The following ATF6 variants were observed in gnomAD, a reference collection of about 807,000 sequenced individuals.
ATF6 encodes the protein activating transcription factor 6, also known as cyclic AMP-dependent transcription factor ATF-6 alpha.
A neutral mutation model predicts 83.6 loss-of-function variants in ATF6; 53 were observed. The observed-to-expected ratio is 0.63, with a 90% CI of 0.51 to 0.80. The LOEUF is 0.80. Ranked by LOEUF, ATF6 falls within the 30% of genes least tolerant of loss-of-function variation. The pLI is 0.00. For synonymous variants in ATF6, 288 were observed against 285.8 expected (o/e 1.01, Z -0.08); for missense variants, 744 against 797.9 (o/e 0.93, Z 0.81).
intron 1 of ATF6, among the ~76,000 whole-genome samples, chr1:161,769,400 A>G (rs7519514): frequency 0.49 from 74,609 of 151,966 alleles, 22,412 homozygotes; most frequent in Middle Eastern, 0.66. Flanking sequence ...GCCAGTATTG[A>G]TACATTATTA....
At position 161,880,977 on chromosome 1, in the gene ATF6, A is replaced by T. The variant is rs1687313268; in HGVS notation, c.1719+17665A>T. Among the ~76,000 whole-genome samples the T allele has an allele frequency of 3.9e-5, 6 of 152,054 alleles. No individual in the cohort carries two copies. In the South Asian group the frequency reaches 1.2e-3, roughly 32 times the overall value. On this transcript the variant is annotated intron_variant, in intron 14 of 15. Coordinates refer to ENST00000367942, the MANE Select transcript of ATF6 (RefSeq NM_007348.4). ...TGTAGTGGTATCTCATTGTGGTTTT[A>T]ATTTGCATTTCCCTAATAACTATAT... is the stretch of plus-strand genomic sequence containing the variant.
chr1:161,793,016 C>T (rs1469835662), intron 6 of ATF6, among the ~76,000 whole-genome samples: 1 of 152,112 alleles, frequency 6.6e-6, no homozygotes, highest in African/African-American at 2.4e-5. Flanking sequence ...ACACTGGGTA[C>T]AAGAAAACTT....
At chr1:161,948,530 CTGTT>C (rs1325203403) in intron 15 of ATF6, among the ~76,000 whole-genome samples, 1 of 152,190 alleles carries the variant, frequency 6.6e-6, no homozygotes, top group East Asian at 1.9e-4. Context: ...AAAAATCCTA[CTGTT>C]GTCCCCACCT....
chr1:161,794,013 TC>T (rs567373980), intron 6 of ATF6, among the ~76,000 whole-genome samples: 56 of 152,284 alleles, frequency 3.7e-4, no homozygotes, highest in Non-Finnish European at 6.6e-4. Flanking sequence ...TTCAAGTGAT[TC>T]TCCTGCTTCA....
chr1:161,876,698 T>A lies in ATF6; in HGVS notation c.1719+13386T>A, dbSNP rs1309115941. ...TCATATGTCTGAAACAAGAGAAAGATGGCTTTCAATGTATGGTCATTTTTT... is the reference window on the plus strand; with the variant it reads ...TCATATGTCTGAAACAAGAGAAAGAAGGCTTTCAATGTATGGTCATTTTTT... On this transcript the variant is annotated intron_variant, in intron 14 of 15. Coordinates refer to ENST00000367942, the MANE Select transcript of ATF6 (RefSeq NM_007348.4). 2.0e-5 allele frequency among the ~76,000 whole-genome samples: 3 copies of A among 152,044 alleles called. No individual in the cohort carries two copies. In the East Asian group the frequency reaches 5.8e-4, roughly 29 times the overall value.
intron 6 of ATF6, among the ~76,000 whole-genome samples, chr1:161,801,345 T>C (rs1487926520): frequency 6.6e-6 from 1 of 151,278 alleles, no homozygotes; most frequent in East Asian, 1.9e-4. Context: ...TTTAAGTTTT[T>C]TGGTATTTGT....
At chr1:161,833,786 C>T (rs189801766) in intron 9 of ATF6, among the ~76,000 whole-genome samples, 16 of 152,194 alleles carry the variant, frequency 1.1e-4, no homozygotes, top group African/African-American at 2.4e-4. Flanking sequence ...CTAATTGGTG[C>T]GCCTGAAAGT....
chr1:161,923,112 G>A (rs758741405), intron 15 of ATF6, among the ~76,000 whole-genome samples: 1 of 152,108 alleles, frequency 6.6e-6, no homozygotes, highest in African/African-American at 2.4e-5. Context: ...TACTTCTGTA[G>A]GTCCTAGAAT....
intron 6 of ATF6, among the ~76,000 whole-genome samples, 175 bp downstream of exon 6, chr1:161,792,502 G>C (rs912196669): frequency 5.9e-5 from 9 of 152,138 alleles, no homozygotes; most frequent in African/African-American, 2.2e-4. Flanking sequence ...TCATAACAAG[G>C]GATATAGCTC....
intron 9 of ATF6, among the ~76,000 whole-genome samples, chr1:161,844,098 G>A (rs140459274): frequency 5.8e-4 from 88 of 152,286 alleles, no homozygotes; most frequent in Non-Finnish European, 1.1e-3. Flanking sequence ...AAGCCTATGC[G>A]ATATTAGACT....
At chr1:161,809,611 A>G (rs1296628140) in intron 7 of ATF6, among the ~76,000 whole-genome samples, 3 of 152,234 alleles carry the variant, frequency 2.0e-5, no homozygotes, top group African/African-American at 7.2e-5. Context: ...TCCTTGAGGA[A>G]TTGCCACACT....
chr1:161,877,635 G>C lies in ATF6; in HGVS notation c.1719+14323G>C, dbSNP rs192257138. Among the ~76,000 whole-genome samples the C allele has an allele frequency of 4.6e-4, 70 of 152,210 alleles. 1 individual carries two copies. Among genetic ancestry groups the C allele is most frequent in the Non-Finnish European group, 8.1e-4 (55 of 67,986 alleles). Reference sequence around the variant, plus strand: ...AGTTTGGGTTTTATTCTGAGGGCCAGCAAAGGGATTTAAGCAGCAGAATAA... The same window carrying C: ...AGTTTGGGTTTTATTCTGAGGGCCACCAAAGGGATTTAAGCAGCAGAATAA... On this transcript the variant is annotated intron_variant, in intron 14 of 15. Coordinates refer to ENST00000367942, the MANE Select transcript of ATF6 (RefSeq NM_007348.4).
intron 10 of ATF6, among the ~76,000 whole-genome samples, chr1:161,846,967 T>C (rs889359875): frequency 6.6e-6 from 1 of 152,156 alleles, no homozygotes; most frequent in Non-Finnish European, 1.5e-5. Flanking sequence ...ATAACATGAT[T>C]GAACCTATTT....
At chr1:161,869,220 A>AGAATGGC (rs1198769810) in intron 14 of ATF6, among the ~76,000 whole-genome samples, 2 of 152,050 alleles carry the variant, frequency 1.3e-5, no homozygotes, top group Non-Finnish European at 2.9e-5. Context: ...TAACACATGA[A>AGAATGGC]GAATGGCATA....
chr1:161,890,464 C>G (rs796739610), intron 14 of ATF6, among the ~76,000 whole-genome samples: 1 of 152,262 alleles, frequency 6.6e-6, no homozygotes, highest in African/African-American at 2.4e-5. Flanking sequence ...TATTTTTGAC[C>G]CAGGGATTGT....
intron 14 of ATF6, chr1:161,891,412 G>T (rs1687552646): frequency 6.6e-6 from 1 of 152,340 alleles, no homozygotes; most frequent in East Asian, 1.9e-4. Flanking sequence ...GACCAGCTGT[G>T]GACCGTGGAT....
chr1:161,834,089 G>A (rs981800180), intron 9 of ATF6, among the ~76,000 whole-genome samples: 5 of 152,170 alleles, frequency 3.3e-5, no homozygotes, highest in Admixed American at 6.5e-5. Flanking sequence ...AGAAGAGAGT[G>A]GGGGCCAATA....
At chr1:161,940,741 T>C (rs1688625804) in intron 15 of ATF6, among the ~76,000 whole-genome samples, 1 of 152,048 alleles carries the variant, frequency 6.6e-6, no homozygotes. Flanking sequence ...TTTGTTTTTT[T>C]TTAGTAGAGA....
At chr1:161,822,021 T>C (rs763017881) in intron 9 of ATF6, among the ~76,000 whole-genome samples, 1 of 152,162 alleles carries the variant, frequency 6.6e-6, no homozygotes, top group Non-Finnish European at 1.5e-5. Context: ...ATTTCTACCT[T>C]GAGGGACCGA....
Sources: gnomAD v4.1 joint callset for allele counts (sites outside exome capture counted in the v4.1 genomes callset) on GRCh38, gnomAD v4.1.1 for gene constraint, MANE v1.5 for transcripts, NCBI Gene and HGNC (gene_info 2026-07-23, HGNC 2026-07-21) for gene names.